The following NTNG2 variants were observed in gnomAD, a reference collection of about 807,000 sequenced individuals.
The protein encoded by NTNG2 is netrin G2.
In NTNG2, 15 loss-of-function variants were observed where a neutral mutation model predicts 47.6. The observed-to-expected ratio is 0.32, with a 90% CI of 0.21 to 0.49. The LOEUF is 0.49. NTNG2 is among the 20% of genes least tolerant of loss of function. The pLI, the probability that NTNG2 is intolerant of heterozygous loss-of-function variation, is 0.99. For synonymous variants in NTNG2, 307 were observed against 324.6 expected (o/e 0.95, Z 0.58); for missense variants, 578 against 764.6 (o/e 0.76, Z 2.88).
In NTNG2 at chr9:132,166,664, A is replaced by G. The variant is rs149827815; in HGVS notation, c.-168A>G. On this transcript the variant is annotated 5_prime_UTR_variant, in exon 2 of 8. Transcript: ENST00000393229. ...TTTCCGTGTCGGCCTTTTGGAAACAACAAGTTCCTCGCTGTTTGCAAAGCT... is the reference window on the plus strand; with the variant it reads ...TTTCCGTGTCGGCCTTTTGGAAACAGCAAGTTCCTCGCTGTTTGCAAAGCT... 4,876 of 631,408 alleles carry G rather than the reference A, an allele frequency of 7.7e-3. 34 individuals carry two copies. The highest frequency in any genetic ancestry group is 0.011 in the Non-Finnish European group (4,029 of 358,760). 39.1% of individuals were successfully genotyped at this position (631,408 alleles called of 1,614,324 possible). A position where few individuals can be genotyped will look rare whatever the true frequency, so the allele number is the denominator to read the frequency against.
intron 3 of NTNG2, among the ~76,000 whole-genome samples, chr9:132,214,512 A>C (rs1473042631): frequency 2.0e-5 from 3 of 152,186 alleles, no homozygotes; most frequent in Non-Finnish European, 2.9e-5. Flanking sequence ...GCTGCCTACT[A>C]ACAGTTGTGG....
rs1325926716 is a variant in NTNG2, at chr9:132,241,850, G to T, written c.1358-26G>T. ...TGGCGGGGGGACCGGGCCACCCCCC[G>T]TGCTGACCGCCCCCTCCGCCTGCAG... On this transcript the variant is annotated intron_variant, in intron 7 of 7. Transcript: ENST00000393229. The T allele has an allele frequency of 9.2e-6, 14 of 1,518,652 alleles. No homozygotes were observed. In the South Asian group the frequency reaches 1.7e-4, roughly 18 times the overall value. 94.1% of individuals were successfully genotyped at this position (1,518,652 alleles called of 1,614,324 possible).
At chr9:132,228,986 C>T (rs1840997896) in intron 4 of NTNG2, among the ~76,000 whole-genome samples, 1 of 152,230 alleles carries the variant, frequency 6.6e-6, no homozygotes, top group South Asian at 2.1e-4. Flanking sequence ...CCCCAGTCAC[C>T]ACCTCCAGTC....
rs918082264 is a variant in NTNG2 at position 132,182,318 on chromosome 9, G to T, written c.213+15274G>T. Among the ~76,000 whole-genome samples, 4 of 152,188 alleles carry T rather than the reference G, an allele frequency of 2.6e-5. No individual in the cohort carries two copies. The highest frequency in any genetic ancestry group is 4.4e-5 in the Non-Finnish European group (3 of 68,038). On this transcript the variant is annotated intron_variant, in intron 2 of 7. Transcript: ENST00000393229. The surrounding 1 kb of genome is among the most constrained non-coding windows in gnomAD (Gnocchi z 4.2). ...AAATAGAGGGTGGAGGGTGCAGGGG[G>T]TGGAGGAGTGTGCTGTCTGCCAAGG...
Position 132,215,356 on chromosome 9 carries a change from G to A in NTNG2, c.858-11493G>A, listed in dbSNP as rs1307096799. Among the ~76,000 whole-genome samples the A allele has an allele frequency of 2.0e-5, 3 of 151,994 alleles. No homozygotes were observed. The highest frequency in any genetic ancestry group is 4.8e-5 in the African/African-American group (2 of 41,370). Reference sequence around the variant, plus strand: ...AGCATTTTGGGAGGCCGAGGTGGGCGGATCATTTGAGGTCAGGAGTTTGAG... The same window carrying A: ...AGCATTTTGGGAGGCCGAGGTGGGCAGATCATTTGAGGTCAGGAGTTTGAG... On this transcript the variant is annotated intron_variant, in intron 3 of 7. Transcript: ENST00000393229. The surrounding 1 kb of genome is among the most constrained non-coding windows in gnomAD (Gnocchi z 4.2).
intron 3 of NTNG2, among the ~76,000 whole-genome samples, chr9:132,224,783 G>A (rs965105410): frequency 6.6e-6 from 1 of 152,154 alleles, no homozygotes; most frequent in African/African-American, 2.4e-5. Flanking sequence ...CAACACAAAA[G>A]AAGATGGTGT....
At chr9:132,189,094 T>TTTTTTTTTTTTTTTTTTTTC (rs1204845571) in intron 2 of NTNG2, among the ~76,000 whole-genome samples, 1 of 139,424 alleles carries the variant, frequency 7.2e-6, no homozygotes. Flanking sequence ...TTTTTTTTTT[T>TTTTTTTTTTTTTTTTTTTTC]TAGACAGGGT....
At chr9:132,165,305 A>G (rs1257123905) in intron 1 of NTNG2, among the ~76,000 whole-genome samples, 1 of 152,166 alleles carries the variant, frequency 6.6e-6, no homozygotes, top group African/African-American at 2.4e-5. Context: ...GATATAATAT[A>G]TTAATTATAT....
intron 3 of NTNG2, among the ~76,000 whole-genome samples, chr9:132,210,529 G>T (rs897983232): frequency 3.3e-5 from 5 of 152,228 alleles, no homozygotes; most frequent in African/African-American, 1.2e-4. Context: ...TACTTTGGAG[G>T]AGAGTGCTGC....
Position 132,238,287 on chromosome 9 carries a change from T to C in NTNG2, c.1055-817T>C, listed in dbSNP as rs181078570. Among the ~76,000 whole-genome samples the C allele has an allele frequency of 3.6e-3, 551 of 152,294 alleles. 4 individuals carry two copies. The highest frequency in any genetic ancestry group is 5.9e-3 in the Non-Finnish European group (400 of 68,018). On this transcript the variant is annotated intron_variant, in intron 5 of 7. Coordinates refer to ENST00000393229, the MANE Select transcript of NTNG2 (RefSeq NM_032536.4). ...TCCCTGAGAGCCTTGCCCCAGGCAG[T>C]CACGGGCTTGTCTGGTCCTTGGAGC... is the stretch of plus-strand genomic sequence containing the variant.
At position 132,226,906 on chromosome 9, in the gene NTNG2, C is replaced by A; in HGVS notation, c.915C>A (p.Cys305Ter). 2 of 1,612,664 alleles carry A rather than the reference C, an allele frequency of 1.2e-6. No individual in the cohort carries two copies. Among genetic ancestry groups the A allele is most frequent in the Non-Finnish European group, 1.7e-6 (2 of 1,179,658 alleles). ...LCSMREGSLQ[C>*]ECEHNTTGPD... is the part of the protein sequence containing the mutation. ...CCATGCGCGAGGGCAGCCTGCAGTG[C>A]GAGTGCGAGCACAACACCACCGGCC... The change falls in exon 4 of 8, where the codon TGC (cysteine) becomes TGA (stop). Residue 305 changes from cysteine (C) to a stop codon, truncating the protein, a stop_gained. Coordinates refer to ENST00000393229, the MANE Select transcript of NTNG2 (RefSeq NM_032536.4). LOFTEE classifies it high-confidence loss of function. This position sits in a 1 kb window ranked among gnomAD's most constrained non-coding sequence, Gnocchi z 4.8.
chr9:132,164,437 G>C (rs1835349554), intron 1 of NTNG2, among the ~76,000 whole-genome samples: 1 of 152,210 alleles, frequency 6.6e-6, no homozygotes, highest in Admixed American at 6.5e-5. Context: ...CTCCTTGCAA[G>C]CCGCAGCCCG....
intron 2 of NTNG2, among the ~76,000 whole-genome samples, chr9:132,179,982 G>A (rs1836811635): frequency 6.6e-6 from 1 of 152,164 alleles, no homozygotes; most frequent in Admixed American, 6.5e-5. Context: ...GTGGATCCCT[G>A]TGAATCTAAC....
chr9:132,213,520 A>C (rs1255564750), intron 3 of NTNG2, among the ~76,000 whole-genome samples: 1 of 152,112 alleles, frequency 6.6e-6, no homozygotes, highest in Admixed American at 6.6e-5. Flanking sequence ...ACTGCAGTCC[A>C]GGTCCCCAAC....
chr9:132,236,445 A>G lies in NTNG2; in HGVS notation c.1055-2659A>G, dbSNP rs1372386252. On this transcript the variant is annotated intron_variant, in intron 5 of 7. Coordinates refer to ENST00000393229, the MANE Select transcript of NTNG2 (RefSeq NM_032536.4). The surrounding 1 kb of genome is among the most constrained non-coding windows in gnomAD (Gnocchi z 4.3). ...AATTGTCCCTGGCCCCAGCTCACCA[A>G]GCCTGGGTGGGGAATTAGGGCCTGA... Among the ~76,000 whole-genome samples the G allele has an allele frequency of 6.6e-6, 1 of 152,190 alleles. No individual in the cohort carries two copies.
intron 3 of NTNG2, among the ~76,000 whole-genome samples, chr9:132,198,860 C>T (rs1838528223): frequency 6.6e-6 from 1 of 152,010 alleles, no homozygotes. Context: ...TCCCCTGGTT[C>T]TTGGGATGTT....
At chr9:132,212,271 C>A (rs1417617628) in intron 3 of NTNG2, among the ~76,000 whole-genome samples, 1 of 152,188 alleles carries the variant, frequency 6.6e-6, no homozygotes, top group African/African-American at 2.4e-5. Flanking sequence ...GGTGCCTTCG[C>A]AGGCCCTGGT....
At chr9:132,240,448 G>A (rs1397588563) in intron 6 of NTNG2, among the ~76,000 whole-genome samples, 1 of 152,228 alleles carries the variant, frequency 6.6e-6, no homozygotes, top group East Asian at 1.9e-4. Context: ...AACCAACTGG[G>A]CCCACCCCGG....
intron 3 of NTNG2, among the ~76,000 whole-genome samples, chr9:132,205,862 CAGAG>C (rs1238980221): frequency 6.6e-6 from 1 of 152,098 alleles, no homozygotes; most frequent in Non-Finnish European, 1.5e-5. Context: ...GCCTGGGCAA[CAGAG>C]AGAGACTCCA....
Sources: gnomAD v4.1 joint callset for allele counts (sites outside exome capture counted in the v4.1 genomes callset) on GRCh38, gnomAD v4.1.1 for gene constraint, Gnocchi (gnomAD v3.1) non-coding constraint, MANE v1.5 for transcripts, NCBI Gene and HGNC (gene_info 2026-07-23, HGNC 2026-07-21) for gene names.